JARID2: variants seen among roughly 807,000 people sequenced by gnomAD.
JARID2 encodes the protein protein Jumonji.
JARID2 carries 21 observed loss-of-function variants against 125.6 expected under a neutral mutation model. That is an observed-to-expected ratio of 0.17 (90% confidence interval 0.12 to 0.24). The LOEUF (loss-of-function observed/expected upper bound fraction) is 0.24. Among genes scored for constraint, JARID2 ranks in the 10% least tolerant of loss-of-function variants. JARID2 has a pLI of 1.00. For missense variants in JARID2, 1,303 were observed against 1,639.6 expected, an observed-to-expected ratio of 0.79 and a Z score of 3.55; for synonymous variants, 736 against 661.6, an observed-to-expected ratio of 1.11 and a Z score of -1.73.
At chr6:15,454,484 C>CAAACAAAATA (rs1257345324) in intron 4 of JARID2, among the ~76,000 whole-genome samples, 7 of 152,190 alleles carry the variant, frequency 4.6e-5, no homozygotes, top group South Asian at 2.1e-4. Context: ...TTTTTGGAGA[C>CAAACAAAATA]AGGGTCTTGT....
chr6:15,420,592 T>A (rs559061647), intron 3 of JARID2, among the ~76,000 whole-genome samples: 10 of 152,356 alleles, frequency 6.6e-5, no homozygotes, highest in African/African-American at 2.4e-4. Context: ...ATCAGTCATA[T>A]TTTCCTGCAT....
intron 1 of JARID2, among the ~76,000 whole-genome samples, chr6:15,314,346 A>G (rs1014977096): frequency 6.6e-6 from 1 of 152,206 alleles, no homozygotes; most frequent in Admixed American, 6.5e-5. Flanking sequence ...AAAAAAATGA[A>G]GAGCAAGACT....
chr6:15,368,176 A>G (rs975068159), intron 1 of JARID2, among the ~76,000 whole-genome samples: 3 of 152,162 alleles, frequency 2.0e-5, no homozygotes, highest in African/African-American at 7.2e-5. Flanking sequence ...TCTGAATACA[A>G]CTTGGTTATA....
intron 1 of JARID2, among the ~76,000 whole-genome samples, chr6:15,366,961 GT>G (rs1277637015): frequency 2.5e-4 from 37 of 150,600 alleles, no homozygotes; most frequent in Non-Finnish European, 1.5e-4. Context: ...TGGAGATATG[GT>G]TAAAAAAAAA....
intron 1 of JARID2, among the ~76,000 whole-genome samples, chr6:15,365,471 G>C (rs1358635968): frequency 6.6e-6 from 1 of 152,168 alleles, no homozygotes; most frequent in African/African-American, 2.4e-5. Context: ...GCGGATGTCT[G>C]ACATGCTCAG....
At chr6:15,446,629 C>G (rs887981090) in intron 3 of JARID2, among the ~76,000 whole-genome samples, 1 of 149,718 alleles carries the variant, frequency 6.7e-6, no homozygotes, top group African/African-American at 2.6e-5. Flanking sequence ...TCTATGGGAT[C>G]CCATACACTC....
intron 3 of JARID2, among the ~76,000 whole-genome samples, chr6:15,415,994 C>G (rs892371655): frequency 1.3e-5 from 2 of 150,780 alleles, no homozygotes; most frequent in South Asian, 4.2e-4. Flanking sequence ...CAGAGACGCT[C>G]CTCACCTCCC....
intron 3 of JARID2, among the ~76,000 whole-genome samples, chr6:15,413,195 T>C (rs1765980569): frequency 6.6e-6 from 1 of 151,776 alleles, no homozygotes; most frequent in Non-Finnish European, 1.5e-5. Flanking sequence ...AATTTTGTAG[T>C]TTTAGTGGAG....
chr6:15,513,056 C>T lies in JARID2; in HGVS notation c.3266+11C>T. ...CCTGGATGAGCTCAGGTAACAGACC[C>T]CCAGAGCCCACGCCAGAGAGCTGGA... On this transcript the variant is annotated intron_variant, in intron 15 of 17. Transcript: ENST00000341776. 1 of 1,614,014 alleles carries T rather than the reference C, an allele frequency of 6.2e-7. No individual in the cohort carries two copies. The highest frequency in any genetic ancestry group is 8.5e-7 in the Non-Finnish European group (1 of 1,179,990).
intron 1 of JARID2, among the ~76,000 whole-genome samples, chr6:15,261,930 G>C (rs1459762642): frequency 6.6e-6 from 1 of 151,814 alleles, no homozygotes; most frequent in Non-Finnish European, 1.5e-5. Context: ...ACAGGCGCGC[G>C]CCACCATGCC....
chr6:15,256,917 G>C (rs904451378), intron 1 of JARID2, among the ~76,000 whole-genome samples: 1 of 152,180 alleles, frequency 6.6e-6, no homozygotes, highest in African/African-American at 2.4e-5. Context: ...GGAGTATTTC[G>C]AGTACTACTT....
At chr6:15,413,433 T>C (rs1225441218) in intron 3 of JARID2, among the ~76,000 whole-genome samples, 2 of 152,246 alleles carry the variant, frequency 1.3e-5, no homozygotes, top group African/African-American at 4.8e-5. Context: ...TGTAACAGAA[T>C]AGCTGAGACG....
intron 3 of JARID2, among the ~76,000 whole-genome samples, chr6:15,438,279 T>C (rs1179820393): frequency 6.6e-6 from 1 of 152,126 alleles, no homozygotes; most frequent in African/African-American, 2.4e-5. Context: ...CATTAGGGCA[T>C]GTTGAGGCTG....
chr6:15,364,380 G>A (rs888392185), intron 1 of JARID2, among the ~76,000 whole-genome samples: 2 of 152,194 alleles, frequency 1.3e-5, no homozygotes, highest in East Asian at 1.9e-4. Flanking sequence ...CCTCAATCCC[G>A]GAGGCTTTAT....
chr6:15,283,087 T>G (rs1034042832), intron 1 of JARID2, among the ~76,000 whole-genome samples: 2 of 151,838 alleles, frequency 1.3e-5, no homozygotes, highest in Non-Finnish European at 2.9e-5. Context: ...CTTGCCATTC[T>G]CCTGCCTCAG....
intron 3 of JARID2, among the ~76,000 whole-genome samples, chr6:15,437,295 G>C (rs1439453189): frequency 2.0e-5 from 3 of 152,144 alleles, no homozygotes; most frequent in Admixed American, 2.0e-4. Context: ...GAAACCTAAG[G>C]CTTCCTGTTC....
rs755892589 is a variant in JARID2, at chr6:15,487,507, C to A, written c.871C>A (p.Pro291Thr). 1.7e-5 allele frequency: 27 copies of A among 1,613,870 alleles called. No homozygotes were observed. The highest frequency in any genetic ancestry group is 1.1e-4 in the East Asian group (5 of 44,874). ...KGLAATHHHP[P>T]LHRSAQDLRK... ...GCTTGCTGCCACCCATCACCACCCC[C>A]CTCTGCATCGGTCGGCTCAGGACTT... Residue 291 changes from proline to threonine, a missense_variant, in exon 6 of 18, where the codon CCT becomes ACT. This residue lies in a region of JARID2 where 651 missense variants were observed against 581.6 expected (regional missense o/e 1.12). Coordinates refer to ENST00000341776, the MANE Select transcript of JARID2 (RefSeq NM_004973.4).
At chr6:15,348,201 C>T (rs534686263) in intron 1 of JARID2, among the ~76,000 whole-genome samples, 56 of 151,914 alleles carry the variant, frequency 3.7e-4, no homozygotes, top group African/African-American at 1.3e-3. Context: ...AAGCAATTCT[C>T]CTGCCTCAGC....
At chr6:15,332,572 CAGG>C (rs577826947) in intron 1 of JARID2, among the ~76,000 whole-genome samples, 62 of 152,242 alleles carry the variant, frequency 4.1e-4, no homozygotes, top group African/African-American at 1.4e-3. Context: ...ACAGCAGCTC[CAGG>C]AGAAGAGACC....
Sources: gnomAD v4.1 joint callset for allele counts (sites outside exome capture counted in the v4.1 genomes callset) on GRCh38, gnomAD v4.1.1 for gene constraint, gnomAD v4.1.1 regional missense constraint, MANE v1.5 for transcripts, NCBI Gene and HGNC (gene_info 2026-07-23, HGNC 2026-07-21) for gene names.